SPOCK3: variants seen among roughly 807,000 people sequenced by gnomAD.
The protein encoded by SPOCK3 is SPARC (osteonectin), cwcv and kazal like domains proteoglycan 3.
In SPOCK3, 30 loss-of-function variants were observed where a neutral mutation model predicts 56.6. That is an observed-to-expected ratio of 0.53 (90% confidence interval 0.40 to 0.72). The LOEUF (loss-of-function observed/expected upper bound fraction) is 0.72, where lower values mean the gene tolerates loss of function less well. Among genes scored for constraint, SPOCK3 ranks in the 30% least tolerant of loss-of-function variants. The pLI is 0.00. For missense variants in SPOCK3, 527 were observed against 530.0 expected (o/e 0.99, Z 0.06); for synonymous variants, 196 against 183.3 (o/e 1.07, Z -0.56).
At chr4:167,216,172 A>G (rs1378610318) in intron 2 of SPOCK3, among the ~76,000 whole-genome samples, 1 of 152,106 alleles carries the variant, frequency 6.6e-6, no homozygotes, top group East Asian at 1.9e-4. Flanking sequence ...TAGGAATCAC[A>G]TGATCTCCCT....
At chr4:166,751,776 T>G (rs1251705597) in intron 8 of SPOCK3, among the ~76,000 whole-genome samples, 2 of 152,150 alleles carry the variant, frequency 1.3e-5, no homozygotes, top group African/African-American at 4.8e-5. Flanking sequence ...AAAGTAGACA[T>G]ACTTTTATGA....
chr4:167,056,967 T>G (rs1044111931), intron 3 of SPOCK3, among the ~76,000 whole-genome samples: 3 of 151,824 alleles, frequency 2.0e-5, no homozygotes, highest in Admixed American at 2.0e-4. Flanking sequence ...GAAGAGCAAC[T>G]CCAAGTCACA....
chr4:166,773,263 AAAGGAAAATCTTTTT>A (rs1396840056), intron 7 of SPOCK3, among the ~76,000 whole-genome samples: 1 of 152,218 alleles, frequency 6.6e-6, no homozygotes, highest in Non-Finnish European at 1.5e-5. Context: ...ACCGGAAAAT[AAAGGAAAATCTTTTT>A]AAGCAAAACC....
intron 6 of SPOCK3, among the ~76,000 whole-genome samples, chr4:166,812,594 A>G (rs573166926): frequency 1.9e-4 from 29 of 151,940 alleles, no homozygotes; most frequent in Non-Finnish European, 3.2e-4. Flanking sequence ...AATGAATGAT[A>G]TTGGATAACT....
chr4:167,120,578 A>T (rs1430808294), intron 2 of SPOCK3, among the ~76,000 whole-genome samples: 1 of 152,068 alleles, frequency 6.6e-6, no homozygotes, highest in Non-Finnish European at 1.5e-5. Context: ...TATTATAGTT[A>T]GTAATTTCTG....
At chr4:167,209,903 T>G (rs984450455) in intron 2 of SPOCK3, among the ~76,000 whole-genome samples, 1 of 152,158 alleles carries the variant, frequency 6.6e-6, no homozygotes, top group African/African-American at 2.4e-5. Flanking sequence ...AATTTCTCAC[T>G]CTGCTTTCTA....
At chr4:166,799,455 A>G (rs1483037729) in intron 6 of SPOCK3, among the ~76,000 whole-genome samples, 1 of 152,114 alleles carries the variant, frequency 6.6e-6, no homozygotes, top group Non-Finnish European at 1.5e-5. Flanking sequence ...ACAACCGAGG[A>G]AGACATTCGG....
chr4:167,228,839 T>G (rs1736849589), intron 2 of SPOCK3, among the ~76,000 whole-genome samples: 1 of 152,104 alleles, frequency 6.6e-6, no homozygotes, highest in Non-Finnish European at 1.5e-5. Context: ...TCCCCATGAT[T>G]TAAACAATAT....
intron 4 of SPOCK3, among the ~76,000 whole-genome samples, chr4:166,937,785 T>C (rs1191197848): frequency 5.3e-4 from 77 of 145,774 alleles, no homozygotes; most frequent in Non-Finnish European, 8.7e-4. Context: ...TGAGACGGAG[T>C]GTCACTCTGT....
chr4:167,227,942 T>C (rs1028723677), intron 2 of SPOCK3, among the ~76,000 whole-genome samples: 2 of 152,100 alleles, frequency 1.3e-5, no homozygotes, highest in Non-Finnish European at 2.9e-5. Context: ...CCAAGCAAGC[T>C]GACTAGCTGT....
chr4:166,998,400 T>G (rs562012590), intron 4 of SPOCK3, among the ~76,000 whole-genome samples: 22 of 152,282 alleles, frequency 1.4e-4, no homozygotes, highest in Non-Finnish European at 2.5e-4. Flanking sequence ...TTTCTGATAG[T>G]CTTTATCATG....
At position 167,067,216 on chromosome 4, in the gene SPOCK3, C is replaced by A. The variant is rs984131270; in HGVS notation, c.190-4679G>T. ...TCCCAGTGGCTATGAAGAGTGGTTT[C>A]GGCAATAAAATCTTACTAAAATCTA... On this transcript the variant is annotated intron_variant, in intron 2 of 10. Transcript: ENST00000357545. Among the ~76,000 whole-genome samples, 6 of 151,816 alleles carry A rather than the reference C, an allele frequency of 4.0e-5. No homozygotes were observed. The East Asian group carries it at 1.2e-3, about 30-fold the overall frequency.
intron 2 of SPOCK3, among the ~76,000 whole-genome samples, chr4:167,199,451 A>G (rs1258907585): frequency 2.6e-5 from 4 of 152,016 alleles, no homozygotes; most frequent in Non-Finnish European, 5.9e-5. Flanking sequence ...GTCAATGTGC[A>G]AGAACAAAGA....
intron 2 of SPOCK3, among the ~76,000 whole-genome samples, chr4:167,186,861 T>A (rs777735073): frequency 6.2e-5 from 9 of 146,094 alleles, no homozygotes; most frequent in Non-Finnish European, 1.4e-4. Flanking sequence ...CCTGCAGTCC[T>A]ACCTGCTTGG....
chr4:166,988,577 G>A (rs1318933100), intron 4 of SPOCK3, among the ~76,000 whole-genome samples: 6 of 152,036 alleles, frequency 3.9e-5, no homozygotes, highest in Non-Finnish European at 7.4e-5. Flanking sequence ...GTGGATTTTA[G>A]TCTTAAATAT....
At chr4:166,736,173 T>A (rs954191041) in intron 10 of SPOCK3, among the ~76,000 whole-genome samples, 2 of 152,128 alleles carry the variant, frequency 1.3e-5, no homozygotes, top group Non-Finnish European at 2.9e-5. Context: ...AGAAAATATT[T>A]AGTTCTCCAA....
chr4:166,826,371 A>G (rs935003341), intron 6 of SPOCK3, among the ~76,000 whole-genome samples: 3 of 152,100 alleles, frequency 2.0e-5, no homozygotes, highest in African/African-American at 7.2e-5. Flanking sequence ...GGCATATAAA[A>G]TAATGGTGCA....
intron 6 of SPOCK3, among the ~76,000 whole-genome samples, chr4:166,860,831 G>GTGTGTA (rs1731180174): frequency 2.4e-5 from 1 of 42,256 alleles, no homozygotes; most frequent in Admixed American, 1.9e-4. Context: ...ATATATATAT[G>GTGTGTA]CATAAAATAT....
chr4:167,119,005 A>G (rs182750260), intron 2 of SPOCK3, among the ~76,000 whole-genome samples: 1 of 152,066 alleles, frequency 6.6e-6, no homozygotes, highest in East Asian at 1.9e-4. Context: ...CTTCCAATTT[A>G]TCTACATGCC....
Sources: gnomAD v4.1 joint callset for allele counts (sites outside exome capture counted in the v4.1 genomes callset) on GRCh38, gnomAD v4.1.1 for gene constraint, MANE v1.5 for transcripts, NCBI Gene and HGNC (gene_info 2026-07-23, HGNC 2026-07-21) for gene names.